The following NF1 variants were observed in gnomAD, a reference collection of about 807,000 sequenced individuals.
NF1 encodes the protein neurofibromin.
In NF1, 122 loss-of-function variants were observed where a neutral mutation model predicts 325.7. The observed-to-expected ratio is 0.37, with a 90% CI of 0.32 to 0.44. NF1 has a LOEUF of 0.44. Among genes scored for constraint, NF1 ranks in the 20% least tolerant of loss-of-function variants. The pLI, the probability that NF1 is intolerant of heterozygous loss-of-function variation, is 1.00. For missense variants in NF1, 2,140 were observed against 3,415.4 expected (o/e 0.63, Z 9.31); for synonymous variants, 1,091 against 1,186.0 (o/e 0.92, Z 1.65).
chr17:31,241,879 C>T (rs2067302154), intron 29 of NF1, among the ~76,000 whole-genome samples: 1 of 152,066 alleles, frequency 6.6e-6, no homozygotes, highest in Admixed American at 6.5e-5. Context: ...TGTCCTTTTC[C>T]TTTTGATTGA....
At position 31,265,280 on chromosome 17, in the gene NF1, T is replaced by A. The variant is rs1346039502; in HGVS notation, c.4776T>A (p.Ile1592=). 6.2e-7 allele frequency: 1 copy of A among 1,613,436 alleles called. No homozygotes were observed. Among genetic ancestry groups the A allele is most frequent in the African/African-American group, 1.3e-5 (1 of 74,876 alleles). Residue 1592 remains isoleucine (I), a synonymous_variant, in exon 36 of 58, where the codon ATT becomes ATA. Coordinates refer to ENST00000358273, the MANE Select transcript of NF1 (RefSeq NM_001042492.3). ...EEFKALKTLS[I]FYQAGTSKAG... is the part of the protein sequence containing the mutation. ...TCAAGGCTTTGAAAACGTTAAGTAT[T>A]TTCTACCAAGCTGGGACTTCCAAAG...
chr17:31,351,045 A>G (rs569847192), intron 50 of NF1, among the ~76,000 whole-genome samples: 116 of 152,324 alleles, frequency 7.6e-4, no homozygotes, highest in African/African-American at 2.5e-3. Flanking sequence ...AATTTTTCAA[A>G]CATGGTATTC....
chr17:31,225,317 G>C (rs2144028925), intron 17 of NF1, 67 bp downstream of exon 17: 1 of 1,548,590 alleles, frequency 6.5e-7, no homozygotes, highest in Non-Finnish European at 8.9e-7. Context: ...ATGAAATTTG[G>C]TAAATTTCAT....
chr17:31,371,024 A>G (rs905812089), intron 57 of NF1, among the ~76,000 whole-genome samples: 1 of 152,174 alleles, frequency 6.6e-6, no homozygotes, highest in African/African-American at 2.4e-5. Context: ...AGGGAAAAAA[A>G]AAAGTTCTAT....
intron 3 of NF1, among the ~76,000 whole-genome samples, chr17:31,159,562 T>G (rs1375829832): frequency 3.9e-5 from 6 of 152,182 alleles, no homozygotes; most frequent in Non-Finnish European, 7.4e-5. Flanking sequence ...AACACTTGTT[T>G]TATGTAGACA....
chr17:31,132,331 C>T (rs753214472), intron 1 of NF1, among the ~76,000 whole-genome samples: 4 of 152,022 alleles, frequency 2.6e-5, no homozygotes, highest in African/African-American at 9.7e-5. Context: ...CACTTGAAGT[C>T]GAGAGTTTGA....
intron 36 of NF1, chr17:31,304,205 A>G (rs759757619): frequency 6.7e-6 from 10 of 1,481,636 alleles, no homozygotes; most frequent in Non-Finnish European, 9.1e-6. Flanking sequence ...ATGTTAACAT[A>G]TAAAGAAAAA....
At chr17:31,134,331 T>A (rs978651261) in intron 1 of NF1, among the ~76,000 whole-genome samples, 12 of 152,242 alleles carry the variant, frequency 7.9e-5, no homozygotes, top group Non-Finnish European at 1.5e-4. Flanking sequence ...ATTTCATATT[T>A]CCATATAATG....
At chr17:31,164,357 G>A (rs1160543363) in intron 4 of NF1, among the ~76,000 whole-genome samples, 4 of 152,182 alleles carry the variant, frequency 2.6e-5, no homozygotes, top group Admixed American at 2.6e-4. Flanking sequence ...ATTAGTATAG[G>A]TAGTGCTCTA....
chr17:31,098,239 G>C (rs1911947705), intron 1 of NF1, among the ~76,000 whole-genome samples: 2 of 151,714 alleles, frequency 1.3e-5, no homozygotes, highest in South Asian at 2.1e-4. Context: ...GGAAGGTTAA[G>C]TGACATAGAT....
At chr17:31,208,788 G>A (rs2066669369) in intron 12 of NF1, among the ~76,000 whole-genome samples, 2 of 152,058 alleles carry the variant, frequency 1.3e-5, no homozygotes, top group South Asian at 2.1e-4. Context: ...CTACTCAGGA[G>A]GCTGAGGCAG....
At chr17:31,273,788 A>G (rs1239445194) in intron 36 of NF1, among the ~76,000 whole-genome samples, 1 of 152,210 alleles carries the variant, frequency 6.6e-6, no homozygotes, top group Non-Finnish European at 1.5e-5. Flanking sequence ...GAGATTAAAG[A>G]ATTCAAATAA....
chr17:31,095,483 AGGAAG>A (rs1258712171), intron 1 of NF1, 114 bp downstream of exon 1: 20 of 895,166 alleles, frequency 2.2e-5, no homozygotes, highest in South Asian at 2.0e-4. Context: ...TCTGGAGGAA[AGGAAG>A]GGAAGGGAAG....
chr17:31,239,953 AG>A (rs1312200958), intron 29 of NF1, among the ~76,000 whole-genome samples: 1 of 152,060 alleles, frequency 6.6e-6, no homozygotes, highest in Non-Finnish European at 1.5e-5. Flanking sequence ...TAGTAGAGAC[AG>A]GGTTTCACAA....
At chr17:31,349,034 T>A (rs2151572128) in intron 48 of NF1, 86 bp from the exon 49 acceptor site, 1 of 1,496,650 alleles carries the variant, frequency 6.7e-7, no homozygotes, top group Non-Finnish European at 9.0e-7. Flanking sequence ...TGCAGAGTTG[T>A]TAGTCAGGGA....
chr17:31,336,320 C>G lies in NF1; in HGVS notation c.6007-13C>G, dbSNP rs2151553094. 1 of 1,612,902 alleles carries G rather than the reference C, an allele frequency of 6.2e-7. No individual in the cohort carries two copies. Among genetic ancestry groups the G allele is most frequent in the South Asian group, 1.1e-5 (1 of 91,018 alleles). ...GAGTGATTAAAAACATGTTATTTTC[C>G]TTCTTCAACTAGATTACAGATCTGC... On this transcript the variant is annotated splice_polypyrimidine_tract_variant and intron_variant, in intron 40 of 57. Coordinates refer to ENST00000358273, the MANE Select transcript of NF1 (RefSeq NM_001042492.3). This position sits in a 1 kb window ranked among gnomAD's most constrained non-coding sequence, Gnocchi z 5.5.
chr17:31,114,029 A>G (rs1256269976), intron 1 of NF1, among the ~76,000 whole-genome samples: 1 of 152,142 alleles, frequency 6.6e-6, no homozygotes, highest in Non-Finnish European at 1.5e-5. Context: ...CCTGTTACCT[A>G]GGGACTAAAT....
rs150657839 is a variant in NF1 at position 31,357,025 on chromosome 17, A to G, written c.7804A>G (p.Asn2602Asp). 6.2e-7 allele frequency: 1 copy of G among 1,614,006 alleles called. No individual in the cohort carries two copies. The highest frequency in any genetic ancestry group is 8.5e-7 in the Non-Finnish European group (1 of 1,179,944). Residue 2602 changes from asparagine (N) to aspartate (D), a missense_variant, in exon 53 of 58, where the codon AAT becomes GAT. This residue lies in a region of NF1 where 522 missense variants were observed against 749.0 expected (regional missense o/e 0.70). Coordinates refer to ENST00000358273, the MANE Select transcript of NF1 (RefSeq NM_001042492.3). The stretch of plus-strand genomic sequence containing the variant: ...ACGTAAAGTTTCAGTGTCTGAATCA[A>G]ATGTTCTCTTGGATGAAGAAGTACT... Reference protein sequence around the residue: ...HLRKVSVSESNVLLDEEVLTD... With the variant: ...HLRKVSVSESDVLLDEEVLTD...
intron 36 of NF1, among the ~76,000 whole-genome samples, chr17:31,323,985 C>G (rs1359977678): frequency 1.3e-5 from 2 of 152,136 alleles, no homozygotes; most frequent in Non-Finnish European, 1.5e-5. Context: ...TTTCTCCCAA[C>G]AAGATTAAAA....
Sources: gnomAD v4.1 joint callset for allele counts (sites outside exome capture counted in the v4.1 genomes callset) on GRCh38, gnomAD v4.1.1 for gene constraint, gnomAD v4.1.1 regional missense constraint, Gnocchi (gnomAD v3.1) non-coding constraint, MANE v1.5 for transcripts, NCBI Gene and HGNC (gene_info 2026-07-23, HGNC 2026-07-21) for gene names.